Variants in TTLL1 observed in about 807,000 individuals in gnomAD.
TTLL1 encodes the protein polyglutamylase complex subunit TTLL1.
In TTLL1, 33 loss-of-function variants were observed where a neutral mutation model predicts 47.8. The observed-to-expected ratio is 0.69, with a 90% CI of 0.52 to 0.92. TTLL1 has a LOEUF of 0.92. TTLL1 is among the 40% of genes least tolerant of loss of function. TTLL1 has a pLI of 0.00. For synonymous variants in TTLL1, 225 were observed against 214.1 expected, an observed-to-expected ratio of 1.05 and a Z score of -0.45; for missense variants, 488 against 547.5, an observed-to-expected ratio of 0.89 and a Z score of 1.08.
At chr22:43,045,057 T>C (rs534318712) in intron 10 of TTLL1, among the ~76,000 whole-genome samples, 135 of 152,286 alleles carry the variant, frequency 8.9e-4, no homozygotes, top group Non-Finnish European at 1.4e-3. Flanking sequence ...GAGATACAGT[T>C]TCACCATGTT....
chr22:43,070,943 C>T (rs1011837878), intron 3 of TTLL1, among the ~76,000 whole-genome samples: 1 of 152,114 alleles, frequency 6.6e-6, no homozygotes, highest in Non-Finnish European at 1.5e-5. Context: ...GACAGGGTCT[C>T]GCTCTGTTGC....
At chr22:43,058,615 A>G (rs2146970906) in intron 8 of TTLL1, among the ~76,000 whole-genome samples, 1 of 152,288 alleles carries the variant, frequency 6.6e-6, no homozygotes, top group Non-Finnish European at 1.5e-5. Flanking sequence ...GCTGCAAGCT[A>G]GCCCCTTTCC....
Position 43,075,536 on chromosome 22 carries a change from G to T in TTLL1, c.51C>A (p.Ile17=). Reference sequence around the variant, plus strand: ...CCCATCCTCTCTTTTCAAAGTTATTGATCAGCACTGACTTCTCGATATCAG... The same window carrying T: ...CCCATCCTCTCTTTTCAAAGTTATTTATCAGCACTGACTTCTCGATATCAG... The part of the protein sequence containing the change: ...WVTDIEKSVL[I]NNFEKRGWVQ... Residue 17 remains isoleucine, a synonymous_variant, in exon 3 of 11, where the codon ATC becomes ATA. Transcript: ENST00000266254. 6.2e-7 allele frequency: 1 copy of T among 1,614,114 alleles called. No homozygotes were observed. Among genetic ancestry groups the T allele is most frequent in the South Asian group, 1.1e-5 (1 of 91,076 alleles).
chr22:43,084,095 A>G (rs1195949397), intron 1 of TTLL1, among the ~76,000 whole-genome samples: 1 of 152,158 alleles, frequency 6.6e-6, no homozygotes, highest in Non-Finnish European at 1.5e-5. Flanking sequence ...TTCTCGTCAA[A>G]AGGGATGCCA....
At chr22:43,045,630 T>C (rs1451805130) in intron 10 of TTLL1, among the ~76,000 whole-genome samples, 2 of 151,868 alleles carry the variant, frequency 1.3e-5, no homozygotes, top group Non-Finnish European at 2.9e-5. Context: ...AATTTAAAGG[T>C]GGACAAACTG....
chr22:43,089,391 T>A lies in TTLL1; in HGVS notation c.-204A>T, dbSNP rs1929471641. ...GCGCTCGCAGGAGTACGCAGCCGAC[T>A]GCCAGGCGCACCGGCCCGCCCCGCC... On this transcript the variant is annotated 5_prime_UTR_variant, in exon 1 of 11. Transcript: ENST00000266254. The A allele has an allele frequency of 6.6e-6, 1 of 152,308 alleles. No individual in the cohort carries two copies. The highest frequency in any genetic ancestry group is 1.5e-5 in the Non-Finnish European group (1 of 68,090). The allele number at this position is 152,308 out of a possible 1,614,324, so 9.4% of individuals were successfully genotyped here. A position where few individuals can be genotyped will look rare whatever the true frequency, so the allele number is the denominator to read the frequency against.
At chr22:43,057,059 C>T (rs1020621627) in intron 8 of TTLL1, among the ~76,000 whole-genome samples, 1 of 152,048 alleles carries the variant, frequency 6.6e-6, no homozygotes, top group African/African-American at 2.4e-5. Context: ...ATCACAAGTT[C>T]AGGAGATCCA....
At chr22:43,086,577 G>A (rs1405909695) in intron 1 of TTLL1, among the ~76,000 whole-genome samples, 1 of 152,164 alleles carries the variant, frequency 6.6e-6, no homozygotes, top group Non-Finnish European at 1.5e-5. Flanking sequence ...CCAGATGGGG[G>A]CGAGGAGCAC....
intron 9 of TTLL1, 63 bp downstream of exon 9, chr22:43,051,738 C>T (rs1926637779): frequency 9.9e-6 from 15 of 1,517,116 alleles, no homozygotes; most frequent in African/African-American, 6.9e-5. Flanking sequence ...GGGCCCGAAT[C>T]GGGGCAGAAG....
chr22:43,081,800 G>A (rs1303194108), intron 1 of TTLL1, among the ~76,000 whole-genome samples: 1 of 149,808 alleles, frequency 6.7e-6, no homozygotes, highest in Admixed American at 6.7e-5. Context: ...ACCCGCTTCG[G>A]CCTCCCAAAG....
intron 9 of TTLL1, among the ~76,000 whole-genome samples, chr22:43,051,212 G>A (rs1018144326): frequency 6.6e-6 from 1 of 152,254 alleles, no homozygotes; most frequent in Non-Finnish European, 1.5e-5. Context: ...TGGGTTTGAA[G>A]CTGGGGCCTC....
In TTLL1 at chr22:43,052,082, C is replaced by G; in HGVS notation, c.892-195G>C. The stretch of plus-strand genomic sequence containing the variant: ...CTCAGAGATTGGGCACTTTCCTCAG[C>G]CTGATAGAGGGAATTGATGAAGCCG... On this transcript the variant is annotated intron_variant, in intron 8 of 10. Coordinates refer to ENST00000266254, the MANE Select transcript of TTLL1 (RefSeq NM_012263.5). 6.8e-6 allele frequency: 4 copies of G among 591,958 alleles called. No homozygotes were observed. In the South Asian group the frequency reaches 7.4e-5, roughly 11 times the overall value. The allele number at this position is 591,958 out of a possible 1,614,324, so 36.7% of individuals were successfully genotyped here. A position where few individuals can be genotyped will look rare whatever the true frequency, so the allele number is the denominator to read the frequency against.
intron 7 of TTLL1, among the ~76,000 whole-genome samples, 172 bp downstream of exon 7, chr22:43,063,641 T>A (rs756393740): frequency 3.3e-5 from 5 of 152,006 alleles, no homozygotes; most frequent in Admixed American, 2.0e-4. Context: ...CGTATTTTTT[T>A]TTTTAGTAGA....
chr22:43,070,042 G>C, intron 3 of TTLL1, 198 bp from the exon 4 acceptor site: 1 of 1,182,798 alleles, frequency 8.5e-7, no homozygotes, highest in South Asian at 1.5e-5. Flanking sequence ...CCCAAGTGGT[G>C]TGAGGGCCAG....
intron 9 of TTLL1, among the ~76,000 whole-genome samples, chr22:43,047,893 T>A (rs967343085): frequency 1.9e-4 from 29 of 152,248 alleles, no homozygotes; most frequent in Non-Finnish European, 5.9e-5. Context: ...TCAGACTGCC[T>A]GTCTGTGCTG....
At chr22:43,069,461 T>A in intron 4 of TTLL1, 175 bp downstream of exon 4, 3 of 970,128 alleles carry the variant, frequency 3.1e-6, no homozygotes, top group Non-Finnish European at 4.3e-6. Flanking sequence ...GATGCCACAC[T>A]CAGGCCCCTC....
At chr22:43,081,533 T>C (rs1424974656) in intron 1 of TTLL1, among the ~76,000 whole-genome samples, 1 of 150,554 alleles carries the variant, frequency 6.6e-6, no homozygotes, top group Non-Finnish European at 1.5e-5. Flanking sequence ...ACCCCTTCCA[T>C]TTTTTTTTAA....
chr22:43,085,537 T>G (rs7291972), intron 1 of TTLL1, among the ~76,000 whole-genome samples: 7 of 152,298 alleles, frequency 4.6e-5, no homozygotes, highest in African/African-American at 1.7e-4. Context: ...CTGATGGTTT[T>G]ATAAATGCGA....
Position 43,068,560 on chromosome 22 carries a change from G to T in TTLL1, c.353C>A (p.Ala118Asp). 6.5e-7 allele frequency: 1 copy of T among 1,545,958 alleles called. No individual in the cohort carries two copies. The highest frequency in any genetic ancestry group is 8.8e-7 in the Non-Finnish European group (1 of 1,132,782). Residue 118 changes from alanine to aspartate, a missense_variant, in exon 5 of 11, where the codon GCT (alanine) becomes GAT (aspartate). Transcript: ENST00000266254. ...DFVPVTYMLPADYNLFVEEFR... is the reference protein window; with the variant it reads ...DFVPVTYMLPDDYNLFVEEFR... ...CTCCTCTACAAACAGGTTGTAGTCA[G>T]CGGGCAGCATATAGGTGACTGGAAC...
Sources: gnomAD v4.1 joint callset for allele counts (sites outside exome capture counted in the v4.1 genomes callset) on GRCh38, gnomAD v4.1.1 for gene constraint, MANE v1.5 for transcripts, NCBI Gene and HGNC (gene_info 2026-07-23, HGNC 2026-07-21) for gene names.